Variants in BDKRB2 observed in about 807,000 individuals in gnomAD.
BDKRB2 encodes the protein B2 bradykinin receptor.
BDKRB2 carries 6 observed loss-of-function variants against 4.0 expected under a neutral mutation model. The ratio of observed to expected loss-of-function variants is 1.49; its 90% CI spans 0.81 to 2.93. BDKRB2 has a LOEUF of 2.93. Ranked by LOEUF, BDKRB2 falls within the 30% of genes most tolerant of loss-of-function variation. The pLI is 0.00. For missense variants in BDKRB2, 478 were observed against 520.1 expected, an observed-to-expected ratio of 0.92 and a Z score of 0.79; for synonymous variants, 225 against 215.3, an observed-to-expected ratio of 1.05 and a Z score of -0.40.
In BDKRB2 at chr14:96,216,483, C is replaced by T. The variant is rs184333313; in HGVS notation, c.-40+11524C>T. ...AAAAAAAAATTTAAAAATTAGTGAG[C>T]TGTGGTGGCAGGAGCTGTGGTCCCA... On this transcript the variant is annotated intron_variant, in intron 1 of 2. Transcript: ENST00000554311. 4.6e-3 allele frequency among the ~76,000 whole-genome samples: 694 copies of T among 151,858 alleles called. 4 individuals are homozygous for T. Among genetic ancestry groups the T allele is most frequent in the Non-Finnish European group, 6.6e-3 (447 of 67,962 alleles).
intron 1 of BDKRB2, among the ~76,000 whole-genome samples, chr14:96,226,095 A>C (rs560328176): frequency 1.3e-5 from 2 of 152,080 alleles, no homozygotes; most frequent in South Asian, 4.2e-4. Flanking sequence ...CTTCCTTTCT[A>C]TGTGGTTTTT....
At chr14:96,232,852 G>A (rs1248696947) in intron 1 of BDKRB2, among the ~76,000 whole-genome samples, 1 of 152,080 alleles carries the variant, frequency 6.6e-6, no homozygotes, top group South Asian at 2.1e-4. Flanking sequence ...CAGAAAATAC[G>A]GGACACAAGT....
chr14:96,232,407 G>C (rs1308361132), intron 1 of BDKRB2, among the ~76,000 whole-genome samples: 1 of 152,252 alleles, frequency 6.6e-6, no homozygotes, highest in Non-Finnish European at 1.5e-5. Flanking sequence ...CCAGCTAGAG[G>C]CTTTCAGGCT....
rs183559224 is a variant in BDKRB2 at position 96,229,099 on chromosome 14, C to T, written c.-39-7970C>T. Among the ~76,000 whole-genome samples, 32 of 152,196 alleles carry T rather than the reference C, an allele frequency of 2.1e-4. No individual in the cohort carries two copies. The East Asian group carries it at 5.4e-3, about 26-fold the overall frequency. On this transcript the variant is annotated intron_variant, in intron 1 of 2. Coordinates refer to ENST00000554311, the MANE Select transcript of BDKRB2 (RefSeq NM_001379692.1). ...TGGGGAGAAGAGGAGAAATAAGGAT[C>T]ACACCCTGCCCTCTATCAGTCAGTC... is the stretch of plus-strand genomic sequence containing the variant.
rs1051434399 is a variant in BDKRB2 at position 96,229,110 on chromosome 14, C to T, written c.-39-7959C>T. Reference sequence around the variant, plus strand: ...GGAGAAATAAGGATCACACCCTGCCCTCTATCAGTCAGTCAACGACCATTT... The same window carrying T: ...GGAGAAATAAGGATCACACCCTGCCTTCTATCAGTCAGTCAACGACCATTT... On this transcript the variant is annotated intron_variant, in intron 1 of 2. Transcript: ENST00000554311. Among the ~76,000 whole-genome samples the T allele has an allele frequency of 2.6e-5, 4 of 152,172 alleles. No homozygotes were observed. The East Asian group carries it at 7.7e-4, about 29-fold the overall frequency.
intron 1 of BDKRB2, among the ~76,000 whole-genome samples, chr14:96,205,329 G>T (rs1890149510): frequency 6.6e-6 from 1 of 152,104 alleles, no homozygotes; most frequent in Non-Finnish European, 1.5e-5. Context: ...CTGGGTGGAG[G>T]CTCCAGAACC....
chr14:96,227,556 C>T (rs1239157528), intron 1 of BDKRB2, among the ~76,000 whole-genome samples: 1 of 152,048 alleles, frequency 6.6e-6, no homozygotes, highest in Non-Finnish European at 1.5e-5. Flanking sequence ...CGTGCACACA[C>T]AAACACACAC....
At chr14:96,206,447 C>T (rs1890181918) in intron 1 of BDKRB2, among the ~76,000 whole-genome samples, 1 of 152,140 alleles carries the variant, frequency 6.6e-6, no homozygotes, top group Non-Finnish European at 1.5e-5. Context: ...GGGATTCCCT[C>T]CCTTGCAAAC....
chr14:96,204,911 G>A lies in BDKRB2; in HGVS notation c.-88G>A, dbSNP rs200484815. 11 of 313,442 alleles carry A rather than the reference G, an allele frequency of 3.5e-5. No individual in the cohort carries two copies. Among genetic ancestry groups the A allele is most frequent in the South Asian group, 1.6e-4 (7 of 43,228 alleles). 19.4% of individuals were successfully genotyped at this position (313,442 alleles called of 1,614,324 possible). A position where few individuals can be genotyped will look rare whatever the true frequency, so the allele number is the denominator to read the frequency against. Reference sequence around the variant, plus strand: ...GACGGTGGGGACATCAGGCTGCCCCGCAGTACCAGGGAGCGACTGAAGTGC... The same window carrying A: ...GACGGTGGGGACATCAGGCTGCCCCACAGTACCAGGGAGCGACTGAAGTGC... On this transcript the variant is annotated 5_prime_UTR_variant, in exon 1 of 3. Transcript: ENST00000554311.
intron 1 of BDKRB2, among the ~76,000 whole-genome samples, chr14:96,235,081 C>T (rs1050734427): frequency 2.0e-5 from 3 of 152,150 alleles, no homozygotes; most frequent in Non-Finnish European, 4.4e-5. Context: ...GGTGCAGTGG[C>T]TCACATCTGT....
chr14:96,240,339 G>A, intron 2 of BDKRB2, 64 bp from the exon 3 acceptor site: 2 of 1,396,726 alleles, frequency 1.4e-6, no homozygotes, highest in East Asian at 2.6e-5. Context: ...TCTCCTTCTG[G>A]ACCAGTTTTT....
chr14:96,228,785 C>T (rs1257156542), intron 1 of BDKRB2, among the ~76,000 whole-genome samples: 1 of 152,172 alleles, frequency 6.6e-6, no homozygotes, highest in Non-Finnish European at 1.5e-5. Context: ...TATTTCCCTG[C>T]CTCCTGTCCA....
chr14:96,231,484 G>A (rs1349795211), intron 1 of BDKRB2, among the ~76,000 whole-genome samples: 4 of 152,232 alleles, frequency 2.6e-5, no homozygotes, highest in Middle Eastern at 6.8e-3. Flanking sequence ...TTTATGAGGC[G>A]CCATCACCCC....
intron 1 of BDKRB2, among the ~76,000 whole-genome samples, chr14:96,213,699 A>G (rs971690106): frequency 6.6e-6 from 1 of 152,126 alleles, no homozygotes; most frequent in Admixed American, 6.5e-5. Context: ...CAGTGGAGAG[A>G]AAGGGTAGGG....
At chr14:96,219,492 T>C (rs555074491) in intron 1 of BDKRB2, among the ~76,000 whole-genome samples, 24 of 151,948 alleles carry the variant, frequency 1.6e-4, no homozygotes, top group Admixed American at 5.2e-4. Context: ...AAGGGTGGGC[T>C]TCTCTGGGCT....
intron 1 of BDKRB2, 27 bp from the exon 2 acceptor site, chr14:96,237,042 T>C (rs943636373): frequency 7.3e-7 from 1 of 1,377,898 alleles, no homozygotes; most frequent in African/African-American, 1.4e-5. Context: ...CCCTGTGCCA[T>C]CTAACCATCT....
intron 2 of BDKRB2, 49 bp downstream of exon 2, chr14:96,237,230 C>A: frequency 6.6e-7 from 1 of 1,520,438 alleles, no homozygotes; most frequent in South Asian, 1.1e-5. Context: ...GGTGGGCAGA[C>A]ACCCTGGAGA....
At chr14:96,214,825 A>T (rs959698339) in intron 1 of BDKRB2, 1 of 152,182 alleles carries the variant, frequency 6.6e-6, no homozygotes, top group African/African-American at 2.4e-5. Flanking sequence ...AAAATACTAT[A>T]AGCATCCAGA....
intron 2 of BDKRB2, chr14:96,238,453 G>T (rs933870359): frequency 9.1e-6 from 9 of 984,810 alleles, no homozygotes; most frequent in Middle Eastern, 5.2e-4. Context: ...AATTCGGGGG[G>T]CATATGAAAG....
Sources: allele counts gnomAD v4.1 joint callset (sites outside exome capture counted in the v4.1 genomes callset), GRCh38; gene constraint gnomAD v4.1.1; transcripts MANE v1.5; gene names NCBI Gene and HGNC (gene_info 2026-07-23, HGNC 2026-07-21).